ABI1: variants seen among roughly 807,000 people sequenced by gnomAD.
ABI1 encodes the protein abl interactor 1, also known as Abelson interactor 1.
In ABI1, 14 loss-of-function variants were observed where a neutral mutation model predicts 54.6. The ratio of observed to expected loss-of-function variants is 0.26; its 90% CI spans 0.17 to 0.40. ABI1 has a LOEUF of 0.40. Among genes scored for constraint, ABI1 ranks in the 10% least tolerant of loss-of-function variants. The pLI, the probability that ABI1 is intolerant of heterozygous loss-of-function variation, is 1.00. For synonymous variants in ABI1, 194 were observed against 209.3 expected, an observed-to-expected ratio of 0.93 and a Z score of 0.63; for missense variants, 443 against 598.3, an observed-to-expected ratio of 0.74 and a Z score of 2.71.
intron 2 of ABI1, among the ~76,000 whole-genome samples, chr10:26,791,722 T>G (rs1843490558): frequency 6.6e-6 from 1 of 152,098 alleles, no homozygotes; most frequent in Non-Finnish European, 1.5e-5. Context: ...ATAAGGAAAC[T>G]TGGTATCTTA....
intron 1 of ABI1, among the ~76,000 whole-genome samples, chr10:26,838,811 G>T (rs2049279654): frequency 6.6e-6 from 1 of 152,172 alleles, no homozygotes; most frequent in Non-Finnish European, 1.5e-5. Context: ...AATTTGTAGT[G>T]GTTAAATAAC....
intron 2 of ABI1, among the ~76,000 whole-genome samples, chr10:26,781,353 T>A (rs1427787671): frequency 6.6e-6 from 1 of 152,228 alleles, no homozygotes; most frequent in Non-Finnish European, 1.5e-5. Context: ...CAGCTTTACA[T>A]GAAAAAGCAG....
chr10:26,751,876 C>T, intron 9 of ABI1, 93 bp from the exon 10 acceptor site: 2 of 1,108,986 alleles, frequency 1.8e-6, no homozygotes, highest in Non-Finnish European at 2.5e-6. Flanking sequence ...AACTTAAGTA[C>T]AGCATGCACT....
chr10:26,857,573 G>A (rs373228373), intron 1 of ABI1, among the ~76,000 whole-genome samples: 5 of 151,360 alleles, frequency 3.3e-5, no homozygotes, highest in African/African-American at 1.2e-4. Context: ...GAGCCCAGGA[G>A]GTTGAGGCTG....
chr10:26,753,140 A>G (rs1213437005), intron 9 of ABI1, among the ~76,000 whole-genome samples: 1 of 152,138 alleles, frequency 6.6e-6, no homozygotes, highest in Non-Finnish European at 1.5e-5. Context: ...AACCACTTCA[A>G]TGCTGTGATT....
intron 2 of ABI1, among the ~76,000 whole-genome samples, chr10:26,802,969 G>T (rs2133396654): frequency 6.6e-6 from 1 of 152,294 alleles, no homozygotes. Context: ...CATAGATCAG[G>T]AAGATCAAAC....
intron 1 of ABI1, 43 bp from the exon 2 acceptor site, chr10:26,823,348 A>G (rs770216868): frequency 7.3e-7 from 1 of 1,375,360 alleles, no homozygotes; most frequent in Non-Finnish European, 9.6e-7. Flanking sequence ...TTAGATTAAC[A>G]TTCATTAAAT....
chr10:26,860,361 G>A lies in ABI1; in HGVS notation c.117+386C>T, dbSNP rs2051203819. Among the ~76,000 whole-genome samples, 1 of 152,006 alleles carries A rather than the reference G, an allele frequency of 6.6e-6. No homozygotes were observed. The highest frequency in any genetic ancestry group is 1.5e-5 in the Non-Finnish European group (1 of 68,000). On this transcript the variant is annotated intron_variant, in intron 1 of 10. Transcript: ENST00000376140. The surrounding 1 kb of genome is among the most constrained non-coding windows in gnomAD (Gnocchi z 4.1). ...TCCCGGCGCAGAGAGGCGGCGCGGC[G>A]GCAGCTCGGGGGTATTCCGGGACTC...
intron 2 of ABI1, among the ~76,000 whole-genome samples, chr10:26,809,919 G>C (rs1323459305): frequency 1.3e-5 from 2 of 152,138 alleles, no homozygotes; most frequent in African/African-American, 4.8e-5. Flanking sequence ...TGCCCTGTGT[G>C]TCTCTTCATT....
At chr10:26,841,762 G>A (rs2049529357) in intron 1 of ABI1, among the ~76,000 whole-genome samples, 1 of 151,996 alleles carries the variant, frequency 6.6e-6, no homozygotes, top group African/African-American at 2.4e-5. Context: ...GTGGCAAATG[G>A]CAGTATCTGC....
Position 26,746,706 on chromosome 10 carries a change from G to A in ABI1, c.*1864C>T, listed in dbSNP as rs1836958618. On this transcript the variant is annotated 3_prime_UTR_variant, in exon 11 of 11. Transcript: ENST00000376140. ...TTCTAGTCCTATAAATTATAATCAA[G>A]GTATCTTGATGGTTATATGTGGTAT... 1 of 514,382 alleles carries A rather than the reference G, an allele frequency of 1.9e-6. No individual in the cohort carries two copies. Among genetic ancestry groups the A allele is most frequent in the African/African-American group, 1.9e-5 (1 of 52,412 alleles). The allele number at this position is 514,382 out of a possible 1,614,324, so 31.9% of individuals were successfully genotyped here.
intron 2 of ABI1, among the ~76,000 whole-genome samples, chr10:26,817,356 C>T (rs1490946360): frequency 6.6e-6 from 1 of 152,076 alleles, no homozygotes; most frequent in Non-Finnish European, 1.5e-5. Flanking sequence ...TTGTGCAAGT[C>T]CTCAAGAACC....
At chr10:26,848,349 C>T (rs1350788313) in intron 1 of ABI1, among the ~76,000 whole-genome samples, 1 of 151,586 alleles carries the variant, frequency 6.6e-6, no homozygotes, top group East Asian at 1.9e-4. Flanking sequence ...ATTGTTATAT[C>T]ATTTTAAAAT....
chr10:26,801,372 C>A (rs541475893), intron 2 of ABI1, among the ~76,000 whole-genome samples: 1 of 152,118 alleles, frequency 6.6e-6, no homozygotes, highest in South Asian at 2.1e-4. Flanking sequence ...TATGGCAAAA[C>A]CCTGTCTCTA....
chr10:26,778,737 G>A (rs1197803253), intron 2 of ABI1, among the ~76,000 whole-genome samples: 2 of 152,122 alleles, frequency 1.3e-5, no homozygotes, highest in African/African-American at 2.4e-5. Context: ...TGTTTATAGA[G>A]TAAACAGCCT....
chr10:26,783,974 T>C (rs115952868), intron 2 of ABI1, among the ~76,000 whole-genome samples: 186 of 152,230 alleles, frequency 1.2e-3, no homozygotes, highest in African/African-American at 4.1e-3. Context: ...TAAAGCTAGC[T>C]ACTGGAATGG....
intron 1 of ABI1, among the ~76,000 whole-genome samples, chr10:26,858,773 G>A (rs1419923906): frequency 1.3e-5 from 2 of 152,052 alleles, no homozygotes; most frequent in East Asian, 3.8e-4. Context: ...ACCTGAAAAA[G>A]TAATAGTACA....
At chr10:26,800,979 C>G (rs11015297) in intron 2 of ABI1, among the ~76,000 whole-genome samples, 10,336 of 152,320 alleles carry the variant, frequency 0.068, 390 homozygotes, top group East Asian at 0.14. Flanking sequence ...GCACTCCAGC[C>G]TGGGCAACAA....
chr10:26,806,016 A>C (rs1332924952), intron 2 of ABI1, among the ~76,000 whole-genome samples: 1 of 152,192 alleles, frequency 6.6e-6, no homozygotes, highest in African/African-American at 2.4e-5. Flanking sequence ...AAAACCATGC[A>C]TGTCTTTCTC....
Sources: allele counts gnomAD v4.1 joint callset (sites outside exome capture counted in the v4.1 genomes callset), GRCh38; gene constraint gnomAD v4.1.1; non-coding constraint Gnocchi (gnomAD v3.1); transcripts MANE v1.5; gene names NCBI Gene and HGNC (gene_info 2026-07-23, HGNC 2026-07-21).